Variants in ABHD18 observed in about 807,000 individuals in gnomAD.
ABHD18 encodes abhydrolase domain containing 18.
Under a neutral mutation model 65.9 loss-of-function variants are expected in ABHD18, and 55 were observed. The observed-to-expected ratio is 0.84, with a 90% CI of 0.67 to 1.05. ABHD18 has a LOEUF of 1.05. ABHD18 is among the 50% of genes least tolerant of loss of function. The pLI is 0.00. For missense variants in ABHD18, 533 were observed against 558.5 expected (o/e 0.95, Z 0.46); for synonymous variants, 181 against 180.2 (o/e 1.00, Z -0.04).
chr4:128,027,683 C>T (rs912983014), intron 10 of ABHD18, among the ~76,000 whole-genome samples: 8 of 152,104 alleles, frequency 5.3e-5, no homozygotes, highest in African/African-American at 1.7e-4. Context: ...GGATTACAGG[C>T]GTGAGCCACC....
At chr4:128,029,103 G>C (rs954098395) in intron 11 of ABHD18, among the ~76,000 whole-genome samples, 3 of 151,954 alleles carry the variant, frequency 2.0e-5, no homozygotes, top group Admixed American at 6.6e-5. Flanking sequence ...TGTAATCCCA[G>C]CATTTTGGGA....
At chr4:128,033,875 G>A (rs545521615) in intron 12 of ABHD18, among the ~76,000 whole-genome samples, 1 of 151,518 alleles carries the variant, frequency 6.6e-6, no homozygotes, top group Non-Finnish European at 1.5e-5. Flanking sequence ...GTGAGGATAT[G>A]GTTAGTTGAA....
At chr4:127,997,948 A>T (rs148223022) in intron 4 of ABHD18, among the ~76,000 whole-genome samples, 47 of 151,326 alleles carry the variant, frequency 3.1e-4, no homozygotes, top group Non-Finnish European at 5.5e-4. Context: ...GGAGTGCAGT[A>T]GCGCAATCAC....
At chr4:128,006,059 C>A (rs1470745060) in intron 4 of ABHD18, among the ~76,000 whole-genome samples, 1 of 152,150 alleles carries the variant, frequency 6.6e-6, no homozygotes, top group African/African-American at 2.4e-5. Context: ...TTGACCCAGT[C>A]AGCTGTGGCA....
chr4:127,981,108 G>A (rs1748959738), intron 1 of ABHD18, among the ~76,000 whole-genome samples: 3 of 152,150 alleles, frequency 2.0e-5, no homozygotes, highest in Non-Finnish European at 2.9e-5. Flanking sequence ...AGACTTGGGT[G>A]CTCCTTTTCA....
At chr4:128,006,227 A>G (rs1288415045) in intron 4 of ABHD18, among the ~76,000 whole-genome samples, 1 of 152,210 alleles carries the variant, frequency 6.6e-6, no homozygotes, top group Non-Finnish European at 1.5e-5. Flanking sequence ...ATTATCCAAT[A>G]ATGAAGTCAC....
At chr4:128,034,426 A>T (rs1268763436) in intron 12 of ABHD18, among the ~76,000 whole-genome samples, 1 of 152,002 alleles carries the variant, frequency 6.6e-6, no homozygotes, top group Non-Finnish European at 1.5e-5. Context: ...AAAAAATATG[A>T]GTGGGGCAGG....
intron 1 of ABHD18, 128 bp from the exon 2 acceptor site, chr4:127,982,811 G>A (rs1040662370): frequency 2.6e-5 from 14 of 543,468 alleles, no homozygotes; most frequent in South Asian, 1.2e-4. Context: ...CTTGTATTTT[G>A]TTTCCAAAGG....
At chr4:127,985,152 A>G (rs1448520052) in intron 3 of ABHD18, among the ~76,000 whole-genome samples, 11 of 152,196 alleles carry the variant, frequency 7.2e-5, no homozygotes, top group Non-Finnish European at 1.6e-4. Context: ...ATATTATGGG[A>G]TACAGTTAAT....
chr4:127,997,631 A>G (rs1751953045), intron 4 of ABHD18, among the ~76,000 whole-genome samples: 1 of 152,202 alleles, frequency 6.6e-6, no homozygotes, highest in African/African-American at 2.4e-5. Context: ...TACTGCTTTC[A>G]GCCTTGTCAA....
chr4:127,983,055 A>AT lies in ABHD18; in HGVS notation c.92+16dup, dbSNP rs538493385. On this transcript the variant is annotated intron_variant, in intron 2 of 12. Transcript: ENST00000645843. ...GCCAGAAGATCTCAAAAGGCAAGCA[A>AT]TTTTTTTTCCTGAATACTTGTTCTG... is the stretch of plus-strand genomic sequence containing the variant. The AT allele has an allele frequency of 7.5e-4, 1,151 of 1,542,018 alleles. No homozygotes were observed. The highest frequency in any genetic ancestry group is 8.7e-4 in the Non-Finnish European group (990 of 1,140,622).
chr4:127,991,594 T>C (rs1750936925), intron 4 of ABHD18, among the ~76,000 whole-genome samples: 1 of 152,200 alleles, frequency 6.6e-6, no homozygotes, highest in Non-Finnish European at 1.5e-5. Context: ...CAGTTTTCTA[T>C]TTTATGTTTT....
At chr4:128,019,343 C>A (rs192400487) in intron 8 of ABHD18, among the ~76,000 whole-genome samples, 1 of 152,280 alleles carries the variant, frequency 6.6e-6, no homozygotes, top group African/African-American at 2.4e-5. Flanking sequence ...GCCCTACTTA[C>A]CTCCCTCACT....
rs1394286335 is a variant in ABHD18, at chr4:128,039,084, A to T, written c.*3271A>T. 6.8e-6 allele frequency: 1 copy of T among 146,994 alleles called. No homozygotes were observed. The highest frequency in any genetic ancestry group is 6.8e-5 in the Admixed American group (1 of 14,700). The allele number at this position is 146,994 out of a possible 1,614,324, so 9.1% of individuals were successfully genotyped here. On this transcript the variant is annotated 3_prime_UTR_variant, in exon 13 of 13. Transcript: ENST00000645843. The stretch of plus-strand genomic sequence containing the variant: ...ACGTTTTATATATATATACACACAC[A>T]CGTATGTGTGTATATATATGTATGT...
At chr4:127,981,553 T>C (rs910190270) in intron 1 of ABHD18, among the ~76,000 whole-genome samples, 1 of 152,192 alleles carries the variant, frequency 6.6e-6, no homozygotes, top group Non-Finnish European at 1.5e-5. Flanking sequence ...ATTTGTTGAA[T>C]GAAAAAAATC....
intron 4 of ABHD18, chr4:128,001,782 T>G: frequency 6.5e-6 from 10 of 1,541,698 alleles, no homozygotes; most frequent in Non-Finnish European, 8.7e-6. Context: ...GTTATTTCTC[T>G]CTAGAAACTT....
At chr4:128,019,626 A>T (rs1282409411) in intron 8 of ABHD18, among the ~76,000 whole-genome samples, 9 of 152,182 alleles carry the variant, frequency 5.9e-5, no homozygotes, top group Non-Finnish European at 1.3e-4. Flanking sequence ...TTCTCTAATC[A>T]CACACATTAC....
intron 3 of ABHD18, among the ~76,000 whole-genome samples, chr4:127,987,365 A>T (rs1750149506): frequency 6.6e-6 from 1 of 152,018 alleles, no homozygotes; most frequent in Non-Finnish European, 1.5e-5. Context: ...AAATAGTAAT[A>T]ATAATGTATT....
rs758302240 is a variant in ABHD18 at position 128,030,645 on chromosome 4, C to T, written c.1316C>T (p.Ala439Val). The change falls in exon 12 of 13, where the codon GCT becomes GTT. Residue 439 changes from alanine (A) to valine (V), a missense_variant. By Grantham distance (64) the Ala-to-Val change is moderately conservative. Coordinates refer to ENST00000645843, the MANE Select transcript of ABHD18 (RefSeq NM_001358451.3). ...IRYLEGGHIS[A>V]YLFKQGLFRQ... The stretch of plus-strand genomic sequence containing the variant: ...TACTTAGAAGGGGGTCATATTAGTG[C>T]TTATCTTTTTAAACAAGGACTCTTC... 6.3e-7 allele frequency: 1 copy of T among 1,596,632 alleles called. No homozygotes were observed. Among genetic ancestry groups the T allele is most frequent in the East Asian group, 2.3e-5 (1 of 44,170 alleles).
Sources: gnomAD v4.1 joint callset for allele counts (sites outside exome capture counted in the v4.1 genomes callset) on GRCh38, gnomAD v4.1.1 for gene constraint, MANE v1.5 for transcripts, NCBI Gene and HGNC (gene_info 2026-07-23, HGNC 2026-07-21) for gene names.